The following UBTD2 variants were observed in gnomAD, a reference collection of about 807,000 sequenced individuals.
The protein encoded by UBTD2 is ubiquitin domain-containing protein 2.
In UBTD2, 9 loss-of-function variants were observed where a neutral mutation model predicts 19.8. That is an observed-to-expected ratio of 0.46 (90% CI 0.27 to 0.79). UBTD2 has a LOEUF of 0.79. Among genes scored for constraint, UBTD2 ranks in the 30% least tolerant of loss-of-function variants. The pLI is 0.14. For missense variants in UBTD2, 250 were observed against 300.4 expected (o/e 0.83, Z 1.24); for synonymous variants, 98 against 103.9 (o/e 0.94, Z 0.35).
intron 1 of UBTD2, among the ~76,000 whole-genome samples, chr5:172,260,576 A>G (rs1755247001): frequency 6.6e-6 from 1 of 152,214 alleles, no homozygotes; most frequent in African/African-American, 2.4e-5. Context: ...ACAAACACCC[A>G]CAATAACCTA....
chr5:172,217,425 A>C lies in UBTD2; in HGVS notation c.308-5198T>G, dbSNP rs917216138. Among the ~76,000 whole-genome samples, 52 of 151,804 alleles carry C rather than the reference A, an allele frequency of 3.4e-4. 1 individual carries two copies. The highest frequency in any genetic ancestry group is 9.2e-4 in the Admixed American group (14 of 15,238). ...AAGTGCGAGACTCTGTCTCAAAAAAAAAAAAAAAAAAGAAAGAAAGAAATA... is the reference window on the plus strand; with the variant it reads ...AAGTGCGAGACTCTGTCTCAAAAAACAAAAAAAAAAAGAAAGAAAGAAATA... On this transcript the variant is annotated intron_variant, in intron 2 of 2. Coordinates refer to ENST00000393792, the MANE Select transcript of UBTD2 (RefSeq NM_152277.3).
intron 1 of UBTD2, among the ~76,000 whole-genome samples, chr5:172,262,070 C>A (rs901863199): frequency 2.6e-5 from 4 of 152,226 alleles, no homozygotes; most frequent in Admixed American, 2.6e-4. Flanking sequence ...AAAATCAGAA[C>A]TGAGACCCTG....
rs1755767793 is a variant in UBTD2, at chr5:172,283,514, G to C, written c.70+82C>G. On this transcript the variant is annotated intron_variant, in intron 1 of 2. Coordinates refer to ENST00000393792, the MANE Select transcript of UBTD2 (RefSeq NM_152277.3). This position sits in a 1 kb window ranked among gnomAD's most constrained non-coding sequence, Gnocchi z 4.3. ...TGACAAAGGGGCGCGGGGGCCCGGC[G>C]CGGCCCGCGGGGGTCGGGACAGGTG... 3 of 1,116,892 alleles carry C rather than the reference G, an allele frequency of 2.7e-6. No individual in the cohort carries two copies. The highest frequency in any genetic ancestry group is 3.4e-6 in the Non-Finnish European group (3 of 878,140). 69.2% of individuals were successfully genotyped at this position (1,116,892 alleles called of 1,614,324 possible).
intron 1 of UBTD2, among the ~76,000 whole-genome samples, chr5:172,265,051 C>T (rs1332305060): frequency 6.6e-6 from 1 of 152,208 alleles, no homozygotes; most frequent in Non-Finnish European, 1.5e-5. Context: ...GTCCACTGGG[C>T]TGAATAGGCT....
At chr5:172,249,788 T>C (rs576946986) in intron 1 of UBTD2, among the ~76,000 whole-genome samples, 1 of 152,364 alleles carries the variant, frequency 6.6e-6, no homozygotes, top group South Asian at 2.1e-4. Flanking sequence ...ATATGTAATA[T>C]GTCACATTAA....
intron 1 of UBTD2, among the ~76,000 whole-genome samples, chr5:172,238,345 C>A (rs1232528951): frequency 6.6e-6 from 1 of 152,172 alleles, no homozygotes; most frequent in East Asian, 1.9e-4. Context: ...TATCCTTAAA[C>A]TGCAGGTAAC....
intron 2 of UBTD2, among the ~76,000 whole-genome samples, chr5:172,224,352 T>C (rs1169553353): frequency 6.9e-6 from 1 of 145,982 alleles, no homozygotes; most frequent in Non-Finnish European, 1.5e-5. Flanking sequence ...CAGGCTGGAG[T>C]GAGGTGGCAC....
At chr5:172,240,119 G>C (rs763155398) in intron 1 of UBTD2, among the ~76,000 whole-genome samples, 1 of 152,146 alleles carries the variant, frequency 6.6e-6, no homozygotes, top group South Asian at 2.1e-4. Context: ...ACCAGACAAA[G>C]GAAAAGCTAA....
intron 1 of UBTD2, among the ~76,000 whole-genome samples, chr5:172,267,416 T>C (rs1186584317): frequency 5.9e-5 from 9 of 152,178 alleles, no homozygotes; most frequent in Non-Finnish European, 1.3e-4. Context: ...AATACAGGCA[T>C]GTATACATCC....
chr5:172,228,419 A>C (rs1179306949), intron 2 of UBTD2, among the ~76,000 whole-genome samples: 1 of 152,152 alleles, frequency 6.6e-6, no homozygotes, highest in Non-Finnish European at 1.5e-5. Context: ...ATAAGAATTA[A>C]ATGTTAATTC....
rs1755766992 is a variant in UBTD2 at position 172,283,499 on chromosome 5, G to A, written c.70+97C>T. On this transcript the variant is annotated intron_variant, in intron 1 of 2. Transcript: ENST00000393792. The surrounding 1 kb of genome is among the most constrained non-coding windows in gnomAD (Gnocchi z 4.3). ...ACGTGGAAGAGGGGATGACAAAGGG[G>A]CGCGGGGGCCCGGCGCGGCCCGCGG... 9.2e-6 allele frequency: 9 copies of A among 974,082 alleles called. No homozygotes were observed. Among genetic ancestry groups the A allele is most frequent in the Non-Finnish European group, 1.2e-5 (9 of 753,312 alleles). 60.3% of individuals were successfully genotyped at this position (974,082 alleles called of 1,614,324 possible). A position where few individuals can be genotyped will look rare whatever the true frequency, so the allele number is the denominator to read the frequency against.
chr5:172,224,298 CTTTTTTT>C (rs35105814), intron 2 of UBTD2, among the ~76,000 whole-genome samples: 22 of 121,642 alleles, frequency 1.8e-4, no homozygotes, highest in South Asian at 2.7e-4. Context: ...TTTTTCATTT[CTTTTTTT>C]TTTTTTTTTT....
chr5:172,234,246 T>G lies in UBTD2; in HGVS notation c.183A>C (p.Ala61=). The G allele has an allele frequency of 6.2e-7, 1 of 1,614,226 alleles. No homozygotes were observed. Among genetic ancestry groups the G allele is most frequent in the Non-Finnish European group, 8.5e-7 (1 of 1,180,042 alleles). ...RSKRDEFWDT[A]PAFEGRKEIW... is the part of the protein sequence containing the mutation. ...TCTCTTTCCGGCCTTCAAAAGCTGG[T>G]GCTGTATCCCAAAATTCATCCCTCT... Residue 61 remains alanine, a synonymous_variant, in exon 2 of 3, where the codon GCA becomes GCC. Transcript: ENST00000393792.
At chr5:172,273,258 A>G (rs1256668160) in intron 1 of UBTD2, among the ~76,000 whole-genome samples, 2 of 150,462 alleles carry the variant, frequency 1.3e-5, no homozygotes, top group Non-Finnish European at 3.0e-5. Context: ...TTGGAGATGA[A>G]AACATCCTCA....
intron 1 of UBTD2, among the ~76,000 whole-genome samples, chr5:172,281,728 C>T (rs936588102): frequency 1.3e-5 from 2 of 152,068 alleles, no homozygotes; most frequent in African/African-American, 2.4e-5. Context: ...AGAATAAAAG[C>T]GTCCATAATC....
chr5:172,256,887 C>T (rs1755164651), intron 1 of UBTD2, among the ~76,000 whole-genome samples: 1 of 152,184 alleles, frequency 6.6e-6, no homozygotes, highest in South Asian at 2.1e-4. Context: ...CACTGCACTC[C>T]AGTCTGGGCG....
intron 1 of UBTD2, among the ~76,000 whole-genome samples, chr5:172,260,268 C>T (rs1755240926): frequency 6.6e-6 from 1 of 151,972 alleles, no homozygotes; most frequent in Admixed American, 6.6e-5. Flanking sequence ...ATTAATACAT[C>T]TTAATTTTCC....
chr5:172,211,852 T>C lies in UBTD2; in HGVS notation c.683A>G (p.Asn228Ser). Residue 228 changes from asparagine to serine, a missense_variant, in exon 3 of 3, where the codon AAC (asparagine) becomes AGC (serine). Physicochemically the swap from Asn to Ser is conservative, Grantham distance 46 (BLOSUM62 1). Coordinates refer to ENST00000393792, the MANE Select transcript of UBTD2 (RefSeq NM_152277.3). Reference protein sequence around the residue: ...VQVIVSQPVQNPTPVEN With the variant: ...VQVIVSQPVQSPTPVEN Reference sequence around the variant, plus strand: ...AGTTCAGTTCTCCACTGGTGTTGGGTTCTGCACAGGTTGGCTCACTATAAC... The same window carrying C: ...AGTTCAGTTCTCCACTGGTGTTGGGCTCTGCACAGGTTGGCTCACTATAAC... The C allele has an allele frequency of 1.2e-6, 2 of 1,613,186 alleles. No homozygotes were observed. The highest frequency in any genetic ancestry group is 1.7e-6 in the Non-Finnish European group (2 of 1,179,360).
intron 1 of UBTD2, among the ~76,000 whole-genome samples, chr5:172,257,774 A>G (rs973656131): frequency 6.6e-6 from 1 of 152,234 alleles, no homozygotes. Context: ...AGTGATGGTG[A>G]GCATTTTTTC....
Sources: gnomAD v4.1 joint callset for allele counts (sites outside exome capture counted in the v4.1 genomes callset) on GRCh38, gnomAD v4.1.1 for gene constraint, Gnocchi (gnomAD v3.1) non-coding constraint, MANE v1.5 for transcripts, NCBI Gene and HGNC (gene_info 2026-07-23, HGNC 2026-07-21) for gene names.